Variants in MINDY4 observed in about 807,000 individuals in gnomAD.
MINDY4 encodes probable ubiquitin carboxyl-terminal hydrolase MINDY-4.
A neutral mutation model predicts 87.0 loss-of-function variants in MINDY4; 68 were observed. That is an observed-to-expected ratio of 0.78 (90% confidence interval 0.64 to 0.96). The LOEUF is 0.96. Ranked by LOEUF, MINDY4 falls within the 40% of genes least tolerant of loss-of-function variation. The pLI is 0.00. For missense variants in MINDY4, 919 were observed against 928.2 expected (o/e 0.99, Z 0.13); for synonymous variants, 379 against 363.2 (o/e 1.04, Z -0.50).
rs977077399 is a variant in MINDY4, at chr7:30,840,929, T to C, written c.1445+81T>C. The stretch of plus-strand genomic sequence containing the variant: ...TCCAGAAAAAACAAGCAAGGAAGCA[T>C]GTGTGTTCCCTGATATTTCCTGTCT... On this transcript the variant is annotated intron_variant, in intron 9 of 17. Transcript: ENST00000265299. 3.2e-6 allele frequency: 4 copies of C among 1,238,288 alleles called. No homozygotes were observed. The African/African-American group carries it at 4.5e-5, about 14-fold the overall frequency. The allele number at this position is 1,238,288 out of a possible 1,614,324, so 76.7% of individuals were successfully genotyped here. A position where few individuals can be genotyped will look rare whatever the true frequency, so the allele number is the denominator to read the frequency against.
intron 4 of MINDY4, 122 bp downstream of exon 4, chr7:30,786,114 G>C (rs777909859): frequency 7.3e-5 from 97 of 1,333,824 alleles, no homozygotes; most frequent in Non-Finnish European, 9.6e-5. Context: ...GTCTGTGTGT[G>C]GGGTGGGAAG....
At position 30,835,712 on chromosome 7, in the gene MINDY4, T is replaced by C. The variant is rs566062768; in HGVS notation, c.1133-946T>C. 6.6e-5 allele frequency among the ~76,000 whole-genome samples: 10 copies of C among 152,296 alleles called. No homozygotes were observed. In the South Asian group the frequency reaches 2.1e-3, roughly 32 times the overall value. ...ACACAGGCCCACTCTGGCAGGCCCC[T>C]CTAGGGAGCTGGATTCACAGAGCCA... On this transcript the variant is annotated intron_variant, in intron 6 of 17. Transcript: ENST00000265299.
intron 15 of MINDY4, among the ~76,000 whole-genome samples, chr7:30,878,979 C>T (rs577265647): frequency 9.2e-4 from 140 of 152,304 alleles, no homozygotes; most frequent in Admixed American, 1.8e-3. Flanking sequence ...CCATCGCTTT[C>T]CCCCTTTCCA....
At chr7:30,803,137 C>G (rs1235107181) in intron 5 of MINDY4, 2 of 152,254 alleles carry the variant, frequency 1.3e-5, no homozygotes, top group East Asian at 3.8e-4. Flanking sequence ...CTTTCCTGAT[C>G]TCTTCACTGT....
chr7:30,806,220 T>A (rs1584258573), intron 5 of MINDY4, among the ~76,000 whole-genome samples: 1 of 152,214 alleles, frequency 6.6e-6, no homozygotes, highest in African/African-American at 2.4e-5. Context: ...GAAACTTGGC[T>A]CGCCATCTTT....
intron 5 of MINDY4, among the ~76,000 whole-genome samples, chr7:30,820,964 T>C (rs890027611): frequency 9.8e-5 from 15 of 152,352 alleles, no homozygotes; most frequent in Admixed American, 3.3e-4. Flanking sequence ...GTATTTTTTT[T>C]CTACTCTTTT....
At chr7:30,816,902 A>G (rs549516621) in intron 5 of MINDY4, among the ~76,000 whole-genome samples, 120 of 152,314 alleles carry the variant, frequency 7.9e-4, no homozygotes, top group Non-Finnish European at 1.3e-3. Context: ...TTCCTTTTAT[A>G]TGTTGTAGGT....
chr7:30,774,520 T>C (rs1228644362), intron 1 of MINDY4, among the ~76,000 whole-genome samples: 3 of 152,152 alleles, frequency 2.0e-5, no homozygotes, highest in Non-Finnish European at 4.4e-5. Context: ...CCTCCCTTTC[T>C]ATAGAAACCC....
Position 30,872,275 on chromosome 7 carries a change from A to G in MINDY4, c.1778A>G (p.His593Arg). The change falls in exon 14 of 18, where the codon CAC becomes CGC. Residue 593 changes from histidine to arginine, a missense_variant. His to Arg is a conservative substitution (Grantham distance 29). Coordinates refer to ENST00000265299, the MANE Select transcript of MINDY4 (RefSeq NM_032222.3). The part of the protein sequence containing the change: ...IRQDFDVPTS[H>R]LIGAHGYCTQ... ...CAGGACTTTGATGTCCCCACCAGCC[A>G]CCTGATTGGAGCACATGGCTACTGT... The G allele has an allele frequency of 6.2e-7, 1 of 1,614,070 alleles. No individual in the cohort carries two copies. Among genetic ancestry groups the G allele is most frequent in the Non-Finnish European group, 8.5e-7 (1 of 1,179,984 alleles).
chr7:30,830,022 C>G (rs950341051), intron 6 of MINDY4, among the ~76,000 whole-genome samples: 3 of 151,938 alleles, frequency 2.0e-5, no homozygotes, highest in Non-Finnish European at 2.9e-5. Flanking sequence ...GCCATGGAAC[C>G]CAGTCACGGA....
At chr7:30,852,125 C>T (rs780297619) in intron 10 of MINDY4, 91 bp from the exon 11 acceptor site, 10 of 1,442,858 alleles carry the variant, frequency 6.9e-6, no homozygotes, top group African/African-American at 1.4e-5. Context: ...TCTTATTTGT[C>T]CTTATTTAAT....
chr7:30,886,034 T>TA (rs1790623795), intron 17 of MINDY4, among the ~76,000 whole-genome samples: 1 of 151,960 alleles, frequency 6.6e-6, no homozygotes, highest in Admixed American at 6.6e-5. Context: ...GGCTTAGGGG[T>TA]AAGTCCTGCT....
intron 5 of MINDY4, among the ~76,000 whole-genome samples, chr7:30,822,709 A>C (rs1183069099): frequency 6.6e-6 from 1 of 151,736 alleles, no homozygotes; most frequent in Non-Finnish European, 1.5e-5. Context: ...ACCACAGCTC[A>C]CTGCAGTCTT....
At chr7:30,850,753 C>T (rs902597578) in intron 10 of MINDY4, among the ~76,000 whole-genome samples, 198 bp downstream of exon 10, 5 of 152,204 alleles carry the variant, frequency 3.3e-5, no homozygotes, top group East Asian at 1.9e-4. Flanking sequence ...TGCGGCCCTG[C>T]GATGCCCTCT....
chr7:30,879,691 T>C (rs1790400554), intron 15 of MINDY4, among the ~76,000 whole-genome samples: 1 of 152,206 alleles, frequency 6.6e-6, no homozygotes. Context: ...AAAGGCAGCC[T>C]TTCCTGCCCT....
intron 12 of MINDY4, among the ~76,000 whole-genome samples, chr7:30,854,640 TG>T (rs1789518110): frequency 6.6e-6 from 1 of 152,120 alleles, no homozygotes; most frequent in Admixed American, 6.5e-5. Context: ...CTGGAGGGTT[TG>T]GTGGTAAGCC....
At chr7:30,828,541 T>C in intron 5 of MINDY4, 138 bp from the exon 6 acceptor site, 2 of 811,746 alleles carry the variant, frequency 2.5e-6, no homozygotes, top group Non-Finnish European at 4.1e-6. Context: ...AGGGGGAGTA[T>C]TCAAGGCACA....
At chr7:30,841,864 G>T (rs896907769) in intron 9 of MINDY4, among the ~76,000 whole-genome samples, 5 of 152,186 alleles carry the variant, frequency 3.3e-5, no homozygotes, top group Admixed American at 1.3e-4. Flanking sequence ...AATCTTGCCA[G>T]TTCCTGAACT....
At chr7:30,782,351 TGTG>T in intron 3 of MINDY4, 139 bp downstream of exon 3, 1 of 636,452 alleles carries the variant, frequency 1.6e-6, no homozygotes. Context: ...TTTGTGTGTG[TGTG>T]TGTGTGTGTG....
Sources: gnomAD v4.1 joint callset for allele counts (sites outside exome capture counted in the v4.1 genomes callset) on GRCh38, gnomAD v4.1.1 for gene constraint, MANE v1.5 for transcripts, NCBI Gene and HGNC (gene_info 2026-07-23, HGNC 2026-07-21) for gene names.